C2CD3: variants seen among roughly 807,000 people sequenced by gnomAD.
C2CD3 encodes C2 domain-containing protein 3.
C2CD3 carries 148 observed loss-of-function variants against 234.0 expected under a neutral mutation model. The ratio of observed to expected loss-of-function variants is 0.63; its 90% CI spans 0.55 to 0.72. The LOEUF is 0.72. Ranked by LOEUF, C2CD3 falls within the 30% of genes least tolerant of loss-of-function variation. The pLI is 0.00. For synonymous variants in C2CD3, 1,000 were observed against 1,035.4 expected, an observed-to-expected ratio of 0.97 and a Z score of 0.66; for missense variants, 2,577 against 2,811.5, an observed-to-expected ratio of 0.92 and a Z score of 1.89.
At chr11:74,082,680 G>GC in intron 22 of C2CD3, among the ~76,000 whole-genome samples, 1 of 151,868 alleles carries the variant, frequency 6.6e-6, no homozygotes. Flanking sequence ...TGCTGGATTC[G>GC]CCCCCCTGTC....
At chr11:74,164,210 C>T (rs936358580) in intron 2 of C2CD3, 17 of 959,904 alleles carry the variant, frequency 1.8e-5, no homozygotes, top group Non-Finnish European at 2.1e-5. Context: ...ATTCCTACTC[C>T]GATTTGTCTT....
intron 26 of C2CD3, among the ~76,000 whole-genome samples, chr11:74,054,097 CCT>C (rs1953835103): frequency 1.3e-5 from 2 of 151,692 alleles, no homozygotes; most frequent in South Asian, 4.2e-4. Flanking sequence ...ACGCTGAAAC[CCT>C]CTCTCTACTA....
chr11:74,051,301 G>T (rs80317861), intron 26 of C2CD3, among the ~76,000 whole-genome samples: 7 of 128,350 alleles, frequency 5.5e-5, no homozygotes, highest in African/African-American at 2.0e-4. Flanking sequence ...TCTCAAAAAA[G>T]AAAAAAAAAA....
intron 24 of C2CD3, among the ~76,000 whole-genome samples, chr11:74,071,855 AAATT>A (rs1285805317): frequency 6.6e-6 from 1 of 152,228 alleles, no homozygotes; most frequent in African/African-American, 2.4e-5. Flanking sequence ...GATGCTCAAT[AAATT>A]ATTATAAAAT....
intron 3 of C2CD3, among the ~76,000 whole-genome samples, chr11:74,155,970 G>C (rs1444883864): frequency 6.6e-6 from 1 of 151,872 alleles, no homozygotes; most frequent in African/African-American, 2.4e-5. Flanking sequence ...GCAAAACCCT[G>C]TGTCTACAAA....
chr11:74,067,578 T>G lies in C2CD3; in HGVS notation c.4951+6675A>C, dbSNP rs186642365. ...ACAGGGAAAGGTAATTCTAATTTAA[T>G]GGTAGTAGGCAAAAAATCAGTTAAT... On this transcript the variant is annotated intron_variant, in intron 24 of 32. Transcript: ENST00000334126. Among the ~76,000 whole-genome samples the G allele has an allele frequency of 3.2e-3, 490 of 152,238 alleles. 3 individuals carry two copies. In the Middle Eastern group the frequency reaches 0.034, roughly 11 times the overall value.
chr11:74,166,426 T>C (rs1039984823), intron 2 of C2CD3, among the ~76,000 whole-genome samples: 2 of 152,154 alleles, frequency 1.3e-5, no homozygotes, highest in African/African-American at 4.8e-5. Flanking sequence ...CCTTCTTTCT[T>C]AACTAGAATT....
Position 74,093,893 on chromosome 11 carries a change from C to T in C2CD3, c.3267G>A (p.Val1089=), listed in dbSNP as rs748658928. 1.1e-5 allele frequency: 17 copies of T among 1,613,984 alleles called. No homozygotes were observed. The highest frequency in any genetic ancestry group is 1.7e-5 in the Admixed American group (1 of 59,996). The part of the protein sequence containing the change: ...HSLLLPAEVP[V]QRLLLSAFSA... ...AGAAAGCACTTAGTAGGAGCCTTTG[C>T]ACTGGAACCTCAGCTGGCAACAGGA... Residue 1089 remains valine, a synonymous_variant, in exon 18 of 33, where the codon GTG becomes GTA. Transcript: ENST00000334126.
At position 74,168,293 on chromosome 11, in the gene C2CD3, C is replaced by T. The variant is rs779801941; in HGVS notation, c.325+51G>A. 4 of 1,453,438 alleles carry T rather than the reference C, an allele frequency of 2.8e-6. No homozygotes were observed. The East Asian group carries it at 6.8e-5, about 25-fold the overall frequency. 90.0% of individuals were successfully genotyped at this position (1,453,438 alleles called of 1,614,324 possible). A position where few individuals can be genotyped will look rare whatever the true frequency, so the allele number is the denominator to read the frequency against. ...ACAACACTTATTGCTGACAATATAA[C>T]CACATGCTTTGTATTACGTCTGCAG... On this transcript the variant is annotated intron_variant, in intron 2 of 32. Transcript: ENST00000334126.
At chr11:74,043,280 A>T (rs1455341477) in intron 28 of C2CD3, among the ~76,000 whole-genome samples, 1 of 152,204 alleles carries the variant, frequency 6.6e-6, no homozygotes, top group African/African-American at 2.4e-5. Context: ...ATTTAGCATA[A>T]TGTTTTCAAG....
intron 3 of C2CD3, among the ~76,000 whole-genome samples, chr11:74,144,841 G>T (rs77771001): frequency 6.6e-6 from 1 of 151,934 alleles, no homozygotes; most frequent in African/African-American, 2.4e-5. Context: ...TTTTCTTAAC[G>T]GTCTACCATT....
chr11:74,027,497 T>C (rs1391500103), intron 32 of C2CD3, among the ~76,000 whole-genome samples: 30 of 152,216 alleles, frequency 2.0e-4, no homozygotes, highest in Admixed American at 1.9e-3. Context: ...CTTGGAACAG[T>C]GCCTGGTACA....
intron 20 of C2CD3, among the ~76,000 whole-genome samples, chr11:74,086,246 C>A (rs1258573254): frequency 6.6e-6 from 1 of 152,206 alleles, no homozygotes; most frequent in Admixed American, 6.5e-5. Flanking sequence ...CATAGTACAT[C>A]TCAGTGAGAA....
intron 7 of C2CD3, among the ~76,000 whole-genome samples, chr11:74,123,939 T>A (rs1957312599): frequency 6.6e-6 from 1 of 152,140 alleles, no homozygotes. Flanking sequence ...TTTCACCATG[T>A]TGGCCAGGCT....
At chr11:74,137,033 T>C (rs181437891) in intron 5 of C2CD3, among the ~76,000 whole-genome samples, 27 of 150,814 alleles carry the variant, frequency 1.8e-4, no homozygotes, top group African/African-American at 6.5e-4. Flanking sequence ...CTCTTTGCTT[T>C]TTTTTTTTTT....
At chr11:74,092,677 T>A in intron 18 of C2CD3, 89 bp from the exon 19 acceptor site, 2 of 1,072,578 alleles carry the variant, frequency 1.9e-6, no homozygotes, top group Non-Finnish European at 2.7e-6. Context: ...TACCTGGTTA[T>A]CTTTGGTGCC....
At chr11:74,019,311 C>T (rs1208308760) in intron 32 of C2CD3, among the ~76,000 whole-genome samples, 1 of 146,192 alleles carries the variant, frequency 6.8e-6, no homozygotes, top group African/African-American at 2.8e-5. Context: ...CAGTCTGGGC[C>T]AGGGTGGCGC....
intron 28 of C2CD3, among the ~76,000 whole-genome samples, chr11:74,045,551 C>A (rs867919668): frequency 6.9e-6 from 1 of 144,584 alleles, no homozygotes; most frequent in Non-Finnish European, 1.5e-5. Flanking sequence ...TTTATTTAGA[C>A]CTTTTTCAAT....
chr11:74,049,304 G>T, intron 27 of C2CD3, 33 bp downstream of exon 27: 1 of 1,560,720 alleles, frequency 6.4e-7, no homozygotes, highest in South Asian at 1.1e-5. Context: ...AGTACAATTC[G>T]TATTGGTTAG....
Sources: allele counts gnomAD v4.1 joint callset (sites outside exome capture counted in the v4.1 genomes callset), GRCh38; gene constraint gnomAD v4.1.1; transcripts MANE v1.5; gene names NCBI Gene and HGNC (gene_info 2026-07-23, HGNC 2026-07-21).